The following OPCML variants were observed in gnomAD, a reference collection of about 807,000 sequenced individuals.
OPCML encodes the protein opioid-binding protein/cell adhesion molecule.
In OPCML, 13 loss-of-function variants were observed where a neutral mutation model predicts 37.8. That is an observed-to-expected ratio of 0.34 (90% CI 0.22 to 0.55). The LOEUF is 0.55. Among genes scored for constraint, OPCML ranks in the 20% least tolerant of loss-of-function variants. The pLI is 0.91. For missense variants in OPCML, 341 were observed against 435.6 expected (o/e 0.78, Z 1.93); for synonymous variants, 176 against 168.8 (o/e 1.04, Z -0.33).
At chr11:132,443,495 T>C (rs572120066) in intron 4 of OPCML, among the ~76,000 whole-genome samples, 8 of 152,310 alleles carry the variant, frequency 5.3e-5, no homozygotes, top group African/African-American at 1.7e-4. Flanking sequence ...ATTTGCAAAG[T>C]TGGAATCAAA....
chr11:133,083,040 A>T (rs924615071), intron 1 of OPCML, among the ~76,000 whole-genome samples: 1 of 146,850 alleles, frequency 6.8e-6, no homozygotes, highest in African/African-American at 2.5e-5. Flanking sequence ...GAGCCCAGCC[A>T]CTGCCTGGTG....
At chr11:132,437,976 C>A (rs1011058469) in intron 4 of OPCML, among the ~76,000 whole-genome samples, 2 of 152,214 alleles carry the variant, frequency 1.3e-5, no homozygotes, top group African/African-American at 4.8e-5. Flanking sequence ...GCTCAATAAG[C>A]ATTGGCCAAC....
intron 4 of OPCML, among the ~76,000 whole-genome samples, chr11:132,505,393 T>C (rs2096254509): frequency 1.3e-5 from 2 of 152,192 alleles, no homozygotes; most frequent in South Asian, 4.1e-4. Flanking sequence ...AGTTTTATGC[T>C]ATGTGCACCA....
chr11:133,001,788 C>T (rs1178899442), intron 1 of OPCML, among the ~76,000 whole-genome samples: 2 of 152,204 alleles, frequency 1.3e-5, no homozygotes, highest in African/African-American at 4.8e-5. Flanking sequence ...ACCCCTTTCT[C>T]TCAGCGGAAC....
intron 1 of OPCML, among the ~76,000 whole-genome samples, chr11:133,264,535 G>T (rs1189008826): frequency 6.6e-6 from 1 of 152,184 alleles, no homozygotes; most frequent in South Asian, 2.1e-4. Context: ...GTCCTTGTCT[G>T]TTCTGCCCAA....
At chr11:133,437,552 G>C (rs1946260313) in intron 1 of OPCML, among the ~76,000 whole-genome samples, 1 of 151,986 alleles carries the variant, frequency 6.6e-6, no homozygotes, top group Non-Finnish European at 1.5e-5. Context: ...CTTCCGCTTT[G>C]AATGCAGGAT....
At chr11:133,015,997 T>A (rs1388161090) in intron 1 of OPCML, among the ~76,000 whole-genome samples, 1 of 152,170 alleles carries the variant, frequency 6.6e-6, no homozygotes, top group Non-Finnish European at 1.5e-5. Context: ...CTTGTGCCCA[T>A]CCCTTTAACA....
At chr11:132,582,994 C>T (rs1157277567) in intron 3 of OPCML, among the ~76,000 whole-genome samples, 1 of 151,888 alleles carries the variant, frequency 6.6e-6, no homozygotes. Flanking sequence ...TATAGATGCA[C>T]ACCACTGTGA....
At chr11:133,532,232 G>T in intron 1 of OPCML, 32 bp downstream of exon 1, 1 of 1,610,310 alleles carries the variant, frequency 6.2e-7, no homozygotes, top group Non-Finnish European at 8.5e-7. Flanking sequence ...AATCACCCCA[G>T]GGAGAGAAAA....
chr11:133,222,485 G>A (rs1027008374), intron 1 of OPCML, among the ~76,000 whole-genome samples: 3 of 152,136 alleles, frequency 2.0e-5, no homozygotes, highest in African/African-American at 7.2e-5. Context: ...CTGCAGCCTG[G>A]ACTGGGGAGA....
At chr11:132,672,661 G>A (rs963650678) in intron 2 of OPCML, among the ~76,000 whole-genome samples, 3 of 152,106 alleles carry the variant, frequency 2.0e-5, no homozygotes. Flanking sequence ...ATCATCAGGA[G>A]GTAATTAAGA....
At chr11:133,469,260 A>G (rs1947049069) in intron 1 of OPCML, among the ~76,000 whole-genome samples, 1 of 152,226 alleles carries the variant, frequency 6.6e-6, no homozygotes, top group Non-Finnish European at 1.5e-5. Flanking sequence ...TAATATTATA[A>G]TATGGTATTT....
At chr11:132,825,092 T>G (rs1940218958) in intron 2 of OPCML, among the ~76,000 whole-genome samples, 2 of 152,210 alleles carry the variant, frequency 1.3e-5, no homozygotes, top group African/African-American at 4.8e-5. Context: ...TTTTAAATTA[T>G]CTACATATTT....
chr11:133,239,788 G>A (rs1390310085), intron 1 of OPCML, among the ~76,000 whole-genome samples: 4 of 152,146 alleles, frequency 2.6e-5, no homozygotes, highest in Non-Finnish European at 5.9e-5. Context: ...GCCAGAGAAA[G>A]CGGGAGATGG....
intron 3 of OPCML, among the ~76,000 whole-genome samples, chr11:132,601,413 T>C (rs2137779483): frequency 6.6e-6 from 1 of 152,324 alleles, no homozygotes; most frequent in African/African-American, 2.4e-5. Flanking sequence ...TTTAAAGTAA[T>C]CAATCTTGCT....
rs142999792 is a variant in OPCML, at chr11:133,387,041, C to T, written c.61+145223G>A. 1.8e-3 allele frequency among the ~76,000 whole-genome samples: 268 copies of T among 152,314 alleles called. 2 individuals carry two copies. Among genetic ancestry groups the T allele is most frequent in the African/African-American group, 6.1e-3 (252 of 41,582 alleles). ...TCAGGGAGACAGCTGCCCCCAACTC[C>T]GGTATTTTGGCCCTCAGCCTGGGCT... On this transcript the variant is annotated intron_variant, in intron 1 of 7. Coordinates refer to ENST00000524381, the MANE Select transcript of OPCML (RefSeq NM_001012393.5).
chr11:133,357,232 A>C (rs1266423758), intron 1 of OPCML, among the ~76,000 whole-genome samples: 1 of 152,210 alleles, frequency 6.6e-6, no homozygotes, highest in African/African-American at 2.4e-5. Flanking sequence ...CTAATAAGTA[A>C]GAGGCATGGA....
intron 1 of OPCML, among the ~76,000 whole-genome samples, chr11:133,016,888 G>A (rs917667000): frequency 6.6e-6 from 1 of 152,164 alleles, no homozygotes; most frequent in Non-Finnish European, 1.5e-5. Context: ...GGAGGTATTG[G>A]AAAAATGTCC....
At chr11:133,390,303 C>CA (rs370231781) in intron 1 of OPCML, among the ~76,000 whole-genome samples, 6,141 of 149,058 alleles carry the variant, frequency 0.041, 284 homozygotes, top group African/African-American at 0.11. Flanking sequence ...ACTAAAAATA[C>CA]AAAAAAAAAA....
Sources: allele counts gnomAD v4.1 joint callset (sites outside exome capture counted in the v4.1 genomes callset), GRCh38; gene constraint gnomAD v4.1.1; transcripts MANE v1.5; gene names NCBI Gene and HGNC (gene_info 2026-07-23, HGNC 2026-07-21).